The following TRPC4 variants were observed in gnomAD, a reference collection of about 807,000 sequenced individuals.
TRPC4 encodes the protein transient receptor potential cation channel subfamily C member 4.
A neutral mutation model predicts 99.4 loss-of-function variants in TRPC4; 49 were observed. The observed-to-expected ratio is 0.49, with a 90% CI of 0.39 to 0.63. The LOEUF is 0.63. Ranked by LOEUF, TRPC4 falls within the 20% of genes least tolerant of loss-of-function variation. The probability of loss-of-function intolerance (pLI) is 0.00; values close to 1 mark genes in which losing one functional copy is unlikely to be tolerated. For missense variants in TRPC4, 898 were observed against 1,152.9 expected (o/e 0.78, Z 3.20); for synonymous variants, 454 against 425.9 (o/e 1.07, Z -0.81).
At chr13:37,847,098 G>C (rs1008637921) in intron 1 of TRPC4, among the ~76,000 whole-genome samples, 3 of 151,910 alleles carry the variant, frequency 2.0e-5, no homozygotes, top group Admixed American at 6.6e-5. Flanking sequence ...TATAATAATA[G>C]GGGGCCTCGA....
At chr13:37,712,482 G>T (rs144728209) in intron 3 of TRPC4, among the ~76,000 whole-genome samples, 1 of 152,132 alleles carries the variant, frequency 6.6e-6, no homozygotes, top group Non-Finnish European at 1.5e-5. Flanking sequence ...TCATTGTCAC[G>T]CTATCAGTGA....
At chr13:37,753,369 G>A (rs1955989937) in intron 2 of TRPC4, among the ~76,000 whole-genome samples, 1 of 151,956 alleles carries the variant, frequency 6.6e-6, no homozygotes. Flanking sequence ...TTAGCCAGGA[G>A]AATAATGGAA....
chr13:37,674,219 A>G lies in TRPC4; in HGVS notation c.1374+9T>C. On this transcript the variant is annotated intron_variant, in intron 5 of 10. Transcript: ENST00000379705. ...CATATGCTTTACCAACAACATAAAT[A>G]ATAGTTACCTTTACAAATGCAACAA... 1 of 1,574,562 alleles carries G rather than the reference A, an allele frequency of 6.4e-7. No individual in the cohort carries two copies. The highest frequency in any genetic ancestry group is 8.6e-7 in the Non-Finnish European group (1 of 1,162,904).
chr13:37,736,755 G>T (rs1283710071), intron 3 of TRPC4, among the ~76,000 whole-genome samples: 3 of 151,944 alleles, frequency 2.0e-5, no homozygotes, highest in Non-Finnish European at 4.4e-5. Flanking sequence ...TTGAGACAGG[G>T]TCTCACTCTG....
chr13:37,867,102 T>C (rs545712298), intron 1 of TRPC4, among the ~76,000 whole-genome samples: 3 of 151,918 alleles, frequency 2.0e-5, no homozygotes, highest in Non-Finnish European at 4.4e-5. Context: ...TAGTTTATTG[T>C]ATTTTCCCTT....
intron 3 of TRPC4, among the ~76,000 whole-genome samples, chr13:37,707,083 A>C (rs941537378): frequency 6.6e-6 from 1 of 152,198 alleles, no homozygotes; most frequent in Admixed American, 6.5e-5. Context: ...TAATTCTATT[A>C]ATGATGTCTA....
intron 1 of TRPC4, among the ~76,000 whole-genome samples, chr13:37,788,453 A>T (rs543027895): frequency 2.0e-5 from 3 of 152,116 alleles, no homozygotes; most frequent in Admixed American, 6.6e-5. Context: ...TTTCTTAATC[A>T]TGTCCTCCTA....
rs751200162 is a variant in TRPC4 at position 37,783,374 on chromosome 13, C to T, written c.-27-14G>A. ...ATTTCTTCGTCTCTGAAAGTAGAAA[C>T]AAAAAACACAAAGATTAGTGTTAAT... On this transcript the variant is annotated splice_polypyrimidine_tract_variant and intron_variant, in intron 1 of 10. Coordinates refer to ENST00000379705, the MANE Select transcript of TRPC4 (RefSeq NM_016179.4). The T allele has an allele frequency of 6.7e-7, 1 of 1,495,420 alleles. No individual in the cohort carries two copies. The highest frequency in any genetic ancestry group is 2.3e-5 in the Admixed American group (1 of 43,938). 92.6% of individuals were successfully genotyped at this position (1,495,420 alleles called of 1,614,324 possible). A position where few individuals can be genotyped will look rare whatever the true frequency, so the allele number is the denominator to read the frequency against.
rs150794490 is a variant in TRPC4, at chr13:37,690,537, C to T, written c.1234+1462G>A. On this transcript the variant is annotated intron_variant, in intron 4 of 10. Transcript: ENST00000379705. Reference sequence around the variant, plus strand: ...CTCCAACTCCTGATCTCAAGCGATCCGCCCGCTTTGGCTTCCCAAAGTGCT... The same window carrying T: ...CTCCAACTCCTGATCTCAAGCGATCTGCCCGCTTTGGCTTCCCAAAGTGCT... Among the ~76,000 whole-genome samples, 984 of 152,248 alleles carry T rather than the reference C, an allele frequency of 6.5e-3. 2 individuals carry two copies. The highest frequency in any genetic ancestry group is 0.014 in the Middle Eastern group (4 of 294).
At chr13:37,758,130 C>T (rs560606781) in intron 2 of TRPC4, among the ~76,000 whole-genome samples, 21 of 151,890 alleles carry the variant, frequency 1.4e-4, no homozygotes, top group African/African-American at 4.8e-4. Context: ...CAGTTCTCTG[C>T]TTTAGTTTTG....
At chr13:37,712,567 C>T (rs929381144) in intron 3 of TRPC4, among the ~76,000 whole-genome samples, 4 of 152,104 alleles carry the variant, frequency 2.6e-5, no homozygotes, top group African/African-American at 7.2e-5. Flanking sequence ...CAGTCAGTAA[C>T]GTTTCTGTAT....
rs779797886 is a variant in TRPC4, at chr13:37,639,062, C to A, written c.2189G>T (p.Gly730Val). ...AMIRDAKTEE[G>V]LTEENFKELK... ...TACCTTAAAGTTCTCTTCGGTCAGG[C>A]CTTCTTCAGTTTTAGCATCTCTAAT... The change falls in exon 10 of 11, where the codon GGC becomes GTC. Residue 730 changes from glycine (G) to valine (V), a missense_variant. Around this residue, in one of 3 missense-constraint regions of TRPC4, gnomAD observed 346 missense variants for 351.4 expected, o/e 0.98. Coordinates refer to ENST00000379705, the MANE Select transcript of TRPC4 (RefSeq NM_016179.4). The A allele has an allele frequency of 6.8e-6, 11 of 1,613,476 alleles. No homozygotes were observed. The South Asian group carries it at 1.2e-4, about 18-fold the overall frequency.
chr13:37,745,835 A>C (rs1955758228), intron 3 of TRPC4, 102 bp downstream of exon 3: 13 of 1,281,996 alleles, frequency 1.0e-5, no homozygotes, highest in Non-Finnish European at 1.3e-5. Context: ...ACAGCTGAAT[A>C]GAAAATGCTC....
intron 4 of TRPC4, among the ~76,000 whole-genome samples, chr13:37,682,923 T>G (rs1953300003): frequency 4.7e-5 from 1 of 21,376 alleles, no homozygotes; most frequent in South Asian, 1.9e-3. Flanking sequence ...CCCAGCTATC[T>G]TTTTTTTTTT....
intron 3 of TRPC4, among the ~76,000 whole-genome samples, chr13:37,724,635 T>A (rs1320391549): frequency 6.6e-6 from 1 of 152,148 alleles, no homozygotes; most frequent in African/African-American, 2.4e-5. Flanking sequence ...ACATCCATAA[T>A]AAGGATATTA....
At chr13:37,711,911 T>C (rs1325148246) in intron 3 of TRPC4, among the ~76,000 whole-genome samples, 1 of 152,112 alleles carries the variant, frequency 6.6e-6, no homozygotes, top group African/African-American at 2.4e-5. Flanking sequence ...AATTATTTCA[T>C]AGTAGGATAT....
chr13:37,747,858 G>T (rs919003662), intron 2 of TRPC4, among the ~76,000 whole-genome samples: 2 of 152,108 alleles, frequency 1.3e-5, no homozygotes, highest in African/African-American at 2.4e-5. Context: ...TGACCACACT[G>T]CCTGTTAAGA....
intron 1 of TRPC4, among the ~76,000 whole-genome samples, chr13:37,861,698 A>G (rs74049224): frequency 0.038 from 5,818 of 151,678 alleles, 154 homozygotes; most frequent in African/African-American, 0.069. Flanking sequence ...TTCAGCTCCA[A>G]GTAGCTTGCA....
At chr13:37,664,612 AT>A (rs1952574786) in intron 5 of TRPC4, among the ~76,000 whole-genome samples, 1 of 152,162 alleles carries the variant, frequency 6.6e-6, no homozygotes. Flanking sequence ...TCTTTTAGAT[AT>A]TGCAGTATGA....
Sources: gnomAD v4.1 joint callset for allele counts (sites outside exome capture counted in the v4.1 genomes callset) on GRCh38, gnomAD v4.1.1 for gene constraint, gnomAD v4.1.1 regional missense constraint, MANE v1.5 for transcripts, NCBI Gene and HGNC (gene_info 2026-07-23, HGNC 2026-07-21) for gene names.